UNC13C: variants seen among roughly 807,000 people sequenced by gnomAD.
The protein encoded by UNC13C is unc-13 homolog C.
In UNC13C, 174 loss-of-function variants were observed where a neutral mutation model predicts 245.4. The ratio of observed to expected loss-of-function variants is 0.71; its 90% CI spans 0.63 to 0.80. The LOEUF (loss-of-function observed/expected upper bound fraction) is 0.80, where lower values mean the gene tolerates loss of function less well. Ranked by LOEUF, UNC13C falls within the 30% of genes least tolerant of loss-of-function variation. UNC13C has a pLI of 0.00. For synonymous variants in UNC13C, 992 were observed against 895.1 expected, an observed-to-expected ratio of 1.11 and a Z score of -1.93; for missense variants, 2,829 against 2,602.9, an observed-to-expected ratio of 1.09 and a Z score of -1.89.
At chr15:53,886,357 C>T in the UNC13C span, among the ~76,000 whole-genome samples, 1 of 152,030 alleles carries the variant, frequency 6.6e-6, no homozygotes, top group Admixed American at 6.6e-5. Context: ...CCCAAACCTA[C>T]CTTGATAGGG....
At chr15:53,979,663 C>T (rs1374822887) in intron 1 of UNC13C, among the ~76,000 whole-genome samples, 1 of 152,090 alleles carries the variant, frequency 6.6e-6, no homozygotes, top group Non-Finnish European at 1.5e-5. Context: ...TCTTTAGTAC[C>T]TAGACGGAGA....
At chr15:54,130,476 T>C (rs2031345803) in intron 2 of UNC13C, among the ~76,000 whole-genome samples, 1 of 151,894 alleles carries the variant, frequency 6.6e-6, no homozygotes, top group South Asian at 2.1e-4. Flanking sequence ...GTATTTTTAG[T>C]AGAGTCGAGG....
chr15:54,455,237 A>ATATATG (rs1891444383), intron 19 of UNC13C, among the ~76,000 whole-genome samples: 1 of 89,726 alleles, frequency 1.1e-5, no homozygotes, highest in Non-Finnish European at 2.2e-5. Flanking sequence ...ATATATATAT[A>ATATATG]TGTTTTTTAA....
intron 19 of UNC13C, among the ~76,000 whole-genome samples, chr15:54,466,402 A>G (rs1451984682): frequency 1.3e-5 from 2 of 152,000 alleles, no homozygotes; most frequent in Non-Finnish European, 2.9e-5. Context: ...TGATCATTTC[A>G]CATAGTATGC....
chr15:53,884,420 T>C, the UNC13C span, among the ~76,000 whole-genome samples: 1 of 152,140 alleles, frequency 6.6e-6, no homozygotes, highest in African/African-American at 2.4e-5. Context: ...CCTGAACTCC[T>C]GGGCTCAAGC....
At chr15:54,145,352 C>T (rs972310822) in intron 4 of UNC13C, among the ~76,000 whole-genome samples, 1 of 151,920 alleles carries the variant, frequency 6.6e-6, no homozygotes, top group African/African-American at 2.4e-5. Flanking sequence ...ATGTAAAGCT[C>T]CTACAAATTA....
chr15:54,583,851 G>C (rs1026479897), intron 30 of UNC13C, among the ~76,000 whole-genome samples: 3 of 152,040 alleles, frequency 2.0e-5, no homozygotes, highest in African/African-American at 7.2e-5. Flanking sequence ...CAAACCTAAC[G>C]GCCAACACCA....
intron 30 of UNC13C, among the ~76,000 whole-genome samples, chr15:54,621,422 T>C (rs1900788479): frequency 6.6e-6 from 1 of 152,188 alleles, no homozygotes; most frequent in Non-Finnish European, 1.5e-5. Flanking sequence ...TTAAATTATA[T>C]ATTCATATAA....
intron 1 of UNC13C, among the ~76,000 whole-genome samples, chr15:54,007,504 G>A (rs143128621): frequency 2.8e-3 from 430 of 152,254 alleles, no homozygotes; most frequent in African/African-American, 9.9e-3. Flanking sequence ...GCAAACTGAT[G>A]CAGGAACAGA....
chr15:54,158,173 T>C (rs1274973625), intron 4 of UNC13C, among the ~76,000 whole-genome samples: 1 of 152,196 alleles, frequency 6.6e-6, no homozygotes, highest in Non-Finnish European at 1.5e-5. Flanking sequence ...GAGCAACTTT[T>C]AGAACAGAAA....
At chr15:54,048,658 A>C in intron 2 of UNC13C, 2 of 352,692 alleles carry the variant, frequency 5.7e-6, no homozygotes, top group South Asian at 5.9e-5. Context: ...GCAGCTAGAC[A>C]AGCTCACATT....
At chr15:53,896,131 A>C in the UNC13C span, among the ~76,000 whole-genome samples, 1 of 152,062 alleles carries the variant, frequency 6.6e-6, no homozygotes, top group Admixed American at 6.6e-5. Context: ...TTAGGAGAAC[A>C]CTTCTCTAGT....
Position 54,301,903 on chromosome 15 carries a change from C to G in UNC13C, c.4268+1530C>G, listed in dbSNP as rs1417978285. Among the ~76,000 whole-genome samples, 5 of 152,162 alleles carry G rather than the reference C, an allele frequency of 3.3e-5. No individual in the cohort carries two copies. In the East Asian group the frequency reaches 9.6e-4, roughly 29 times the overall value. The stretch of plus-strand genomic sequence containing the variant: ...TGGTTGAACTAATTTACACTCTCAT[C>G]AACAGTGTAAAAGCATTCCTATTTC... On this transcript the variant is annotated intron_variant, in intron 13 of 32. Coordinates refer to ENST00000260323, the MANE Select transcript of UNC13C (RefSeq NM_001080534.3).
chr15:53,992,082 C>A (rs922573010), intron 1 of UNC13C, among the ~76,000 whole-genome samples: 5 of 152,006 alleles, frequency 3.3e-5, no homozygotes, highest in African/African-American at 7.2e-5. Context: ...GAATTTTCAA[C>A]CTTTTAAGAA....
chr15:54,077,127 C>T (rs1455876130), intron 2 of UNC13C, among the ~76,000 whole-genome samples: 1 of 152,020 alleles, frequency 6.6e-6, no homozygotes, highest in African/African-American at 2.4e-5. Flanking sequence ...GAGTCTCTTT[C>T]TTCCCTGTAT....
chr15:54,105,430 C>T (rs976844312), intron 2 of UNC13C, among the ~76,000 whole-genome samples: 1 of 152,116 alleles, frequency 6.6e-6, no homozygotes, highest in Non-Finnish European at 1.5e-5. Context: ...AATAACTGCC[C>T]ACATTAGACC....
chr15:53,904,294 T>C, the UNC13C span, among the ~76,000 whole-genome samples: 1 of 152,168 alleles, frequency 6.6e-6, no homozygotes, highest in Non-Finnish European at 1.5e-5. Flanking sequence ...TTTACTCATT[T>C]TTTACTCAAG....
intron 19 of UNC13C, among the ~76,000 whole-genome samples, chr15:54,481,025 T>C (rs1893076104): frequency 6.6e-6 from 1 of 152,146 alleles, no homozygotes; most frequent in Non-Finnish European, 1.5e-5. Context: ...TCAAAACCTA[T>C]GTAACTATAG....
the UNC13C span, among the ~76,000 whole-genome samples, chr15:53,972,388 T>A: frequency 6.6e-6 from 1 of 152,206 alleles, no homozygotes; most frequent in Non-Finnish European, 1.5e-5. Context: ...AAAGAAAGGA[T>A]GCTATGTCCA....
Sources: gnomAD v4.1 joint callset for allele counts (sites outside exome capture counted in the v4.1 genomes callset) on GRCh38, gnomAD v4.1.1 for gene constraint, MANE v1.5 for transcripts, NCBI Gene and HGNC (gene_info 2026-07-23, HGNC 2026-07-21) for gene names.